The following COL9A1 variants were observed in gnomAD, a reference collection of about 807,000 sequenced individuals.
COL9A1 encodes collagen type IX alpha 1 chain, also known as collagen alpha-1(IX) chain.
COL9A1 carries 104 observed loss-of-function variants against 142.6 expected under a neutral mutation model. The observed-to-expected ratio is 0.73, with a 90% CI of 0.62 to 0.86. The LOEUF (loss-of-function observed/expected upper bound fraction) is 0.86. COL9A1 is among the 40% of genes least tolerant of loss of function. COL9A1 has a pLI of 0.00. For missense variants in COL9A1, 1,210 were observed against 1,176.6 expected (o/e 1.03, Z -0.42); for synonymous variants, 466 against 396.0 (o/e 1.18, Z -2.10).
intron 24 of COL9A1, 97 bp from the exon 25 acceptor site, chr6:70,254,626 G>T (rs905018981): frequency 1.0e-5 from 12 of 1,150,406 alleles, no homozygotes; most frequent in Non-Finnish European, 1.6e-5. Context: ...TAAAAGGATT[G>T]TCCCAACAGC....
intron 4 of COL9A1, among the ~76,000 whole-genome samples, chr6:70,296,068 C>T (rs565242355): frequency 6.6e-6 from 1 of 152,190 alleles, no homozygotes; most frequent in African/African-American, 2.4e-5. Context: ...AATTATAAAA[C>T]TTTATTATGT....
intron 35 of COL9A1, among the ~76,000 whole-genome samples, chr6:70,233,487 T>G (rs1195909047): frequency 6.6e-6 from 1 of 152,006 alleles, no homozygotes; most frequent in Non-Finnish European, 1.5e-5. Context: ...CAACAAAATC[T>G]CCCCATGAAA....
chr6:70,252,227 G>T, intron 27 of COL9A1, 35 bp downstream of exon 27: 1 of 1,614,114 alleles, frequency 6.2e-7, no homozygotes, highest in Non-Finnish European at 8.5e-7. Context: ...ATTACAACAG[G>T]TTAGAACTTC....
At chr6:70,253,178 A>G (rs1015916734) in intron 26 of COL9A1, 4 of 473,170 alleles carry the variant, frequency 8.5e-6, no homozygotes, top group African/African-American at 7.9e-5. Context: ...CATTAAGGAA[A>G]TCTAATTAGC....
At chr6:70,299,999 C>T in intron 4 of COL9A1, 44 bp downstream of exon 4, 11 of 1,559,036 alleles carry the variant, frequency 7.1e-6, no homozygotes, top group Non-Finnish European at 8.8e-6. Context: ...ATTTTTAATG[C>T]ATTTGAGTCA....
chr6:70,251,957 G>C (rs1770972260), intron 28 of COL9A1, among the ~76,000 whole-genome samples, 163 bp downstream of exon 28: 1 of 152,192 alleles, frequency 6.6e-6, no homozygotes, highest in Non-Finnish European at 1.5e-5. Flanking sequence ...TTTCTGAAAA[G>C]GCATGCTGTG....
At position 70,281,186 on chromosome 6, in the gene COL9A1, G is replaced by T. The variant is rs1436819315; in HGVS notation, c.877-147C>A. ...GTTCATGACCAACAAGGACAACAGA[G>T]ACACCTCTCCCTCCAAAAATCCCCG... On this transcript the variant is annotated intron_variant, in intron 8 of 37. Transcript: ENST00000357250. 1.5e-5 allele frequency: 12 copies of T among 804,186 alleles called. No individual in the cohort carries two copies. The East Asian group carries it at 3.2e-4, about 21-fold the overall frequency. 49.8% of individuals were successfully genotyped at this position (804,186 alleles called of 1,614,324 possible).
chr6:70,215,912 A>AAC (rs10528566), downstream of COL9A1: 5,361 of 149,174 alleles, frequency 0.036, 288 homozygotes, highest in African/African-American at 0.11. Flanking sequence ...TACACACTAA[A>AAC]ACACACACAC....
At chr6:70,218,122 G>A (rs540895476) in intron 37 of COL9A1, among the ~76,000 whole-genome samples, 11 of 152,256 alleles carry the variant, frequency 7.2e-5, no homozygotes, top group South Asian at 2.1e-4. Context: ...CAGCCTGGGC[G>A]ATAGAACAAG....
chr6:70,247,030 T>C (rs1770651259), intron 28 of COL9A1, among the ~76,000 whole-genome samples: 1 of 152,224 alleles, frequency 6.6e-6, no homozygotes. Flanking sequence ...GTAGAAGTGT[T>C]AGTTATATTG....
chr6:70,246,170 C>G (rs1393625488), intron 28 of COL9A1: 1 of 152,128 alleles, frequency 6.6e-6, no homozygotes, highest in African/African-American at 2.4e-5. Flanking sequence ...GAGTTTGGGA[C>G]CAGCCTGGCC....
intron 5 of COL9A1, among the ~76,000 whole-genome samples, chr6:70,284,134 T>C (rs913024069): frequency 1.3e-5 from 2 of 152,208 alleles, no homozygotes; most frequent in Non-Finnish European, 2.9e-5. Context: ...TCTCAAGATG[T>C]AGATCCTACT....
intron 4 of COL9A1, among the ~76,000 whole-genome samples, chr6:70,298,763 AT>A: frequency 6.6e-6 from 1 of 152,340 alleles, no homozygotes; most frequent in East Asian, 1.9e-4. Context: ...AAAAAACTGA[AT>A]TTTTAAAGCT....
At chr6:70,238,957 G>A (rs1219320872) in intron 33 of COL9A1, among the ~76,000 whole-genome samples, 1 of 152,176 alleles carries the variant, frequency 6.6e-6, no homozygotes, top group Non-Finnish European at 1.5e-5. Flanking sequence ...TGACCAACAT[G>A]GTGAAACCCC....
chr6:70,286,501 T>C (rs1305229173), intron 5 of COL9A1, among the ~76,000 whole-genome samples: 3 of 152,216 alleles, frequency 2.0e-5, no homozygotes, highest in African/African-American at 7.2e-5. Context: ...GCAAACTGAA[T>C]TATGATTAAA....
chr6:70,256,740 T>C (rs537423278), intron 21 of COL9A1, 28 bp downstream of exon 21: 9 of 1,611,276 alleles, frequency 5.6e-6, no homozygotes, highest in African/African-American at 5.3e-5. Flanking sequence ...AATCTATCAT[T>C]GGGTTTTGTG....
intron 35 of COL9A1, among the ~76,000 whole-genome samples, chr6:70,233,428 T>C (rs968654540): frequency 2.6e-5 from 4 of 152,168 alleles, no homozygotes; most frequent in Admixed American, 6.5e-5. Context: ...GTGGGCTTTT[T>C]CAGGAACCAT....
intron 13 of COL9A1, 36 bp downstream of exon 13, chr6:70,272,029 A>G (rs765473924): frequency 6.3e-7 from 1 of 1,594,738 alleles, no homozygotes; most frequent in South Asian, 1.1e-5. Context: ...ACATTTTTAT[A>G]GACTGCATAA....
At position 70,253,449 on chromosome 6, in the gene COL9A1, A is replaced by G. The variant is rs1370302874; in HGVS notation, c.1720-20T>C. The G allele has an allele frequency of 1.3e-6, 2 of 1,584,692 alleles. No homozygotes were observed. The highest frequency in any genetic ancestry group is 8.7e-7 in the Non-Finnish European group (1 of 1,153,972). On this transcript the variant is annotated intron_variant, in intron 25 of 37. Coordinates refer to ENST00000357250, the MANE Select transcript of COL9A1 (RefSeq NM_001851.6). ...TACACCCTAAAAGAATACATACACA[A>G]TCCTAGTTTAATCACCTCCTCTGAG...
Sources: gnomAD v4.1 joint callset for allele counts (sites outside exome capture counted in the v4.1 genomes callset) on GRCh38, gnomAD v4.1.1 for gene constraint, MANE v1.5 for transcripts, NCBI Gene and HGNC (gene_info 2026-07-23, HGNC 2026-07-21) for gene names.